Variants in PDE4D observed in about 807,000 individuals in gnomAD.
PDE4D encodes 3',5'-cyclic-AMP phosphodiesterase 4D.
Under a neutral mutation model 87.4 loss-of-function variants are expected in PDE4D, and 24 were observed. The observed-to-expected ratio is 0.27, with a 90% CI of 0.20 to 0.39. The LOEUF (loss-of-function observed/expected upper bound fraction) is 0.39. Among genes scored for constraint, PDE4D ranks in the 10% least tolerant of loss-of-function variants. The pLI is 1.00. For synonymous variants in PDE4D, 384 were observed against 383.2 expected, an observed-to-expected ratio of 1.00 and a Z score of -0.02; for missense variants, 714 against 1,041.0, an observed-to-expected ratio of 0.69 and a Z score of 4.32.
chr5:60,503,147 T>A (rs1750171342), intron 1 of PDE4D, among the ~76,000 whole-genome samples: 1 of 152,112 alleles, frequency 6.6e-6, no homozygotes, highest in Non-Finnish European at 1.5e-5. Flanking sequence ...CTAGTATCAA[T>A]ATTAACCATC....
At position 59,660,335 on chromosome 5, in the gene PDE4D, G is replaced by A. The variant is rs146496003; in HGVS notation, c.455+232833C>T. On this transcript the variant is annotated intron_variant, in intron 1 of 14. Transcript: ENST00000340635. Reference sequence around the variant, plus strand: ...CATGTTTAGTAAGCAGAGCTCATTTGTAACCATTTGGGCTTCAGACAAAAA... The same window carrying A: ...CATGTTTAGTAAGCAGAGCTCATTTATAACCATTTGGGCTTCAGACAAAAA... 7.9e-5 allele frequency among the ~76,000 whole-genome samples: 12 copies of A among 152,180 alleles called. No individual in the cohort carries two copies. In the East Asian group the frequency reaches 2.3e-3, roughly 29 times the overall value.
At chr5:59,184,619 T>A (rs985012704) in intron 4 of PDE4D, among the ~76,000 whole-genome samples, 2 of 152,128 alleles carry the variant, frequency 1.3e-5, no homozygotes, top group African/African-American at 4.8e-5. Flanking sequence ...TATTGAAAAA[T>A]TACTTTTATC....
chr5:60,257,262 G>GAA, intron 1 of PDE4D, among the ~76,000 whole-genome samples: 1 of 149,368 alleles, frequency 6.7e-6, no homozygotes, highest in African/African-American at 2.5e-5. Context: ...GAAAAGAAAA[G>GAA]AAAGAGAGAA....
At chr5:59,517,313 G>C (rs1180515201) in intron 1 of PDE4D, among the ~76,000 whole-genome samples, 1 of 152,042 alleles carries the variant, frequency 6.6e-6, no homozygotes, top group African/African-American at 2.4e-5. Flanking sequence ...TTTTGTAAAC[G>C]AAGTATTAGA....
At chr5:59,828,042 A>AG (rs1581291488) in intron 1 of PDE4D, among the ~76,000 whole-genome samples, 1 of 152,074 alleles carries the variant, frequency 6.6e-6, no homozygotes, top group African/African-American at 2.4e-5. Context: ...CTGATAGCAG[A>AG]GGGTCGGTGG....
chr5:59,251,899 T>A (rs1439881415), intron 1 of PDE4D, among the ~76,000 whole-genome samples: 1 of 151,994 alleles, frequency 6.6e-6, no homozygotes, highest in Non-Finnish European at 1.5e-5. Flanking sequence ...GAGGCTATTA[T>A]CCTTAGCAAA....
intron 1 of PDE4D, among the ~76,000 whole-genome samples, chr5:59,803,051 G>A (rs1767324381): frequency 6.6e-6 from 1 of 152,106 alleles, no homozygotes; most frequent in African/African-American, 2.4e-5. Flanking sequence ...GACAACAAGA[G>A]TACAATCTCT....
chr5:59,490,735 T>C (rs1322432715), intron 1 of PDE4D, among the ~76,000 whole-genome samples: 1 of 152,256 alleles, frequency 6.6e-6, no homozygotes, highest in Non-Finnish European at 1.5e-5. Context: ...GTTCCTTTGA[T>C]GTGGTACAGA....
At chr5:59,187,775 T>G (rs1307482233) in intron 3 of PDE4D, among the ~76,000 whole-genome samples, 2 of 151,550 alleles carry the variant, frequency 1.3e-5, no homozygotes, top group East Asian at 1.9e-4. Flanking sequence ...TGTGTGTGGG[T>G]TTTTTTTTCT....
intron 1 of PDE4D, among the ~76,000 whole-genome samples, chr5:59,356,346 A>T (rs1781365192): frequency 1.3e-5 from 2 of 152,226 alleles, no homozygotes; most frequent in Admixed American, 6.5e-5. Flanking sequence ...CTGAAACAGC[A>T]TTAGTTTCCA....
chr5:59,383,433 C>T (rs1318038769), intron 1 of PDE4D, among the ~76,000 whole-genome samples: 3 of 152,138 alleles, frequency 2.0e-5, no homozygotes, highest in Admixed American at 6.6e-5. Context: ...AACCTGATTT[C>T]CCTATTGCAA....
chr5:59,893,106 G>A, intron 1 of PDE4D, 62 bp downstream of exon 1: 1 of 1,463,962 alleles, frequency 6.8e-7, no homozygotes, highest in South Asian at 1.3e-5. Flanking sequence ...CTTAGATGGA[G>A]TATTTGAGAA....
intron 6 of PDE4D, among the ~76,000 whole-genome samples, chr5:59,012,530 C>T (rs1753042106): frequency 1.3e-5 from 2 of 152,016 alleles, no homozygotes; most frequent in South Asian, 4.1e-4. Flanking sequence ...AGACTTTAAA[C>T]CAACAAAGAT....
At chr5:60,286,846 G>C (rs183932743) in intron 1 of PDE4D, among the ~76,000 whole-genome samples, 2 of 152,298 alleles carry the variant, frequency 1.3e-5, no homozygotes, top group East Asian at 3.9e-4. Context: ...TAAATGAGTA[G>C]CTTGCTAATG....
At chr5:58,997,765 G>T (rs1749569547) in intron 6 of PDE4D, among the ~76,000 whole-genome samples, 1 of 152,038 alleles carries the variant, frequency 6.6e-6, no homozygotes, top group African/African-American at 2.4e-5. Flanking sequence ...AGGCATAAAG[G>T]AAAGTAAAAA....
intron 6 of PDE4D, among the ~76,000 whole-genome samples, chr5:59,005,340 G>A (rs13358027): frequency 0.1 from 15,373 of 152,134 alleles, 1,041 homozygotes; most frequent in Non-Finnish European, 0.13. Flanking sequence ...ATTCAAATAA[G>A]TCCCTAATTT....
At chr5:59,930,324 T>C (rs1010104161) in intron 3 of PDE4D, among the ~76,000 whole-genome samples, 1 of 152,088 alleles carries the variant, frequency 6.6e-6, no homozygotes, top group Non-Finnish European at 1.5e-5. Context: ...AATCCAATGA[T>C]AAGTGCCCTT....
At chr5:59,791,337 G>A (rs1445819990) in intron 1 of PDE4D, among the ~76,000 whole-genome samples, 1 of 152,212 alleles carries the variant, frequency 6.6e-6, no homozygotes, top group Non-Finnish European at 1.5e-5. Context: ...GAATATAATG[G>A]TGGGAGTTCA....
At chr5:59,356,833 C>A in intron 1 of PDE4D, 1 of 1,549,186 alleles carries the variant, frequency 6.5e-7, no homozygotes, top group South Asian at 1.2e-5. Context: ...CAGAGGATCC[C>A]AAACAAAAGC....
Sources: allele counts gnomAD v4.1 joint callset (sites outside exome capture counted in the v4.1 genomes callset), GRCh38; gene constraint gnomAD v4.1.1; transcripts MANE v1.5; gene names NCBI Gene and HGNC (gene_info 2026-07-23, HGNC 2026-07-21).